SPATA17: variants seen among roughly 807,000 people sequenced by gnomAD.
The protein encoded by SPATA17 is spermatogenesis-associated protein 17.
In SPATA17, 53 loss-of-function variants were observed where a neutral mutation model predicts 62.2. The observed-to-expected ratio is 0.85, with a 90% CI of 0.68 to 1.07. The LOEUF (loss-of-function observed/expected upper bound fraction) is 1.07. Ranked by LOEUF, SPATA17 falls within the 50% of genes least tolerant of loss-of-function variation. The probability of loss-of-function intolerance (pLI) is 0.00; values close to 1 mark genes in which losing one functional copy is unlikely to be tolerated. For missense variants in SPATA17, 466 were observed against 425.5 expected (o/e 1.10, Z -0.84); for synonymous variants, 146 against 146.8 (o/e 0.99, Z 0.04).
At chr1:217,700,381 T>C (rs1474522941) in intron 5 of SPATA17, among the ~76,000 whole-genome samples, 1 of 152,220 alleles carries the variant, frequency 6.6e-6, no homozygotes, top group Non-Finnish European at 1.5e-5. Context: ...GTATGGCCTA[T>C]GTATATATGC....
intron 1 of SPATA17, among the ~76,000 whole-genome samples, chr1:217,643,611 C>T (rs1670115131): frequency 6.6e-6 from 1 of 151,942 alleles, no homozygotes; most frequent in Non-Finnish European, 1.5e-5. Context: ...AGCACAGTGC[C>T]CTACTTTTCC....
chr1:217,852,683 C>T (rs776155614), intron 9 of SPATA17, among the ~76,000 whole-genome samples: 1 of 152,036 alleles, frequency 6.6e-6, no homozygotes, highest in African/African-American at 2.4e-5. Context: ...CTTTCCCCCC[C>T]AAAAAATCAT....
intron 9 of SPATA17, among the ~76,000 whole-genome samples, chr1:217,853,534 T>C (rs969087338): frequency 2.0e-5 from 3 of 152,152 alleles, no homozygotes; most frequent in Admixed American, 6.6e-5. Flanking sequence ...GTTTATGCCA[T>C]AGTGAGTGTG....
intron 5 of SPATA17, among the ~76,000 whole-genome samples, chr1:217,714,086 T>A (rs1245863221): frequency 6.6e-6 from 1 of 152,108 alleles, no homozygotes; most frequent in Non-Finnish European, 1.5e-5. Flanking sequence ...ATATTGACCT[T>A]CACATTTTTG....
chr1:217,817,451 TC>T (rs932592031), intron 9 of SPATA17, among the ~76,000 whole-genome samples: 20 of 152,086 alleles, frequency 1.3e-4, no homozygotes, highest in Admixed American at 1.1e-3. Flanking sequence ...TGCTTCCCCT[TC>T]TGCCATGATT....
At chr1:217,670,382 A>C (rs1163548413) in intron 4 of SPATA17, among the ~76,000 whole-genome samples, 1 of 152,152 alleles carries the variant, frequency 6.6e-6, no homozygotes, top group Non-Finnish European at 1.5e-5. Context: ...TAGAGTTAGA[A>C]AGGTGCGTAC....
intron 1 of SPATA17, among the ~76,000 whole-genome samples, chr1:217,634,533 T>C (rs1447028348): frequency 1.3e-5 from 2 of 152,160 alleles, no homozygotes; most frequent in Non-Finnish European, 2.9e-5. Context: ...CTAGCACTGA[T>C]CTTAGGTTTT....
chr1:217,766,542 T>C (rs1673305680), intron 6 of SPATA17, among the ~76,000 whole-genome samples: 1 of 152,034 alleles, frequency 6.6e-6, no homozygotes, highest in Non-Finnish European at 1.5e-5. Context: ...CATAAGCATT[T>C]ATATGCATAT....
chr1:217,824,580 A>G (rs1674941720), intron 9 of SPATA17, among the ~76,000 whole-genome samples: 1 of 151,058 alleles, frequency 6.6e-6, no homozygotes, highest in South Asian at 2.1e-4. Context: ...GTTATTGTAT[A>G]TGTTTTTATT....
intron 9 of SPATA17, among the ~76,000 whole-genome samples, chr1:217,829,747 T>C (rs1205281576): frequency 2.0e-5 from 3 of 148,294 alleles, no homozygotes; most frequent in African/African-American, 7.5e-5. Context: ...AACATGGGCA[T>C]GGGGAGGGGA....
Position 217,642,542 on chromosome 1 carries a change from C to T in SPATA17, c.69-6340C>T, listed in dbSNP as rs547860928. On this transcript the variant is annotated intron_variant, in intron 1 of 10. Coordinates refer to ENST00000366933, the MANE Select transcript of SPATA17 (RefSeq NM_138796.4). The stretch of plus-strand genomic sequence containing the variant: ...ATATGGTTTGGCTCTGTGTCCCCAC[C>T]AGATCTCATCTCGAATTGAAATCCC... Among the ~76,000 whole-genome samples the T allele has an allele frequency of 2.8e-4, 43 of 152,282 alleles. 1 individual carries two copies. Among genetic ancestry groups the T allele is most frequent in the African/African-American group, 8.7e-4 (36 of 41,550 alleles).
rs1295588106 is a variant in SPATA17, at chr1:217,683,244, A to T, written c.292-14A>T. On this transcript the variant is annotated splice_polypyrimidine_tract_variant and intron_variant, in intron 4 of 10. Transcript: ENST00000366933. ...GTTTAATGGCATATTTTATCTCTTT[A>T]TTTACTTTAATAGATTCAGAGACGA... 1.3e-6 allele frequency: 2 copies of T among 1,556,124 alleles called. No homozygotes were observed. Among genetic ancestry groups the T allele is most frequent in the East Asian group, 2.3e-5 (1 of 43,704 alleles).
intron 5 of SPATA17, among the ~76,000 whole-genome samples, chr1:217,700,477 GT>G (rs1671568893): frequency 6.6e-6 from 1 of 152,054 alleles, no homozygotes. Context: ...CAGTATTTAT[GT>G]TTTGACAAAA....
At chr1:217,670,257 T>G (rs185978243) in intron 4 of SPATA17, among the ~76,000 whole-genome samples, 2 of 152,298 alleles carry the variant, frequency 1.3e-5, no homozygotes, top group East Asian at 3.9e-4. Context: ...AAGTCATAGA[T>G]GACTGAGAAC....
chr1:217,687,073 T>C (rs1457460599), intron 5 of SPATA17, among the ~76,000 whole-genome samples: 2 of 152,188 alleles, frequency 1.3e-5, no homozygotes, highest in Non-Finnish European at 2.9e-5. Context: ...TTCTAAATTT[T>C]TGCTATTGTA....
chr1:217,712,369 A>C (rs571316378), intron 5 of SPATA17, among the ~76,000 whole-genome samples: 1 of 151,894 alleles, frequency 6.6e-6, no homozygotes, highest in East Asian at 1.9e-4. Flanking sequence ...CAGTTGATCC[A>C]CCCACCTTGG....
intron 9 of SPATA17, among the ~76,000 whole-genome samples, chr1:217,834,117 G>A (rs1255885143): frequency 1.3e-5 from 2 of 152,244 alleles, no homozygotes; most frequent in Admixed American, 6.6e-5. Context: ...TAAACATCAC[G>A]TAGAGATGTC....
chr1:217,726,982 T>G (rs1349162838), intron 5 of SPATA17, among the ~76,000 whole-genome samples: 2 of 151,962 alleles, frequency 1.3e-5, no homozygotes, highest in African/African-American at 4.8e-5. Context: ...GAGCGGTGGC[T>G]TACGCCTGTA....
At chr1:217,764,602 G>T (rs1232424254) in intron 6 of SPATA17, among the ~76,000 whole-genome samples, 1 of 152,110 alleles carries the variant, frequency 6.6e-6, no homozygotes, top group Non-Finnish European at 1.5e-5. Context: ...ACAATTGCTA[G>T]ATTATATGAT....
Sources: gnomAD v4.1 joint callset for allele counts (sites outside exome capture counted in the v4.1 genomes callset) on GRCh38, gnomAD v4.1.1 for gene constraint, MANE v1.5 for transcripts, NCBI Gene and HGNC (gene_info 2026-07-23, HGNC 2026-07-21) for gene names.